Variants in NCOR1 observed in about 807,000 individuals in gnomAD.
NCOR1 encodes protein phosphatase 1, regulatory subunit 109.
In NCOR1, 63 loss-of-function variants were observed where a neutral mutation model predicts 288.1. The ratio of observed to expected loss-of-function variants is 0.22; its 90% CI spans 0.18 to 0.27. The LOEUF is 0.27. Among genes scored for constraint, NCOR1 ranks in the 10% least tolerant of loss-of-function variants. The pLI is 1.00. For missense variants in NCOR1, 2,397 were observed against 3,019.2 expected (o/e 0.79, Z 4.83); for synonymous variants, 1,007 against 1,065.9 (o/e 0.94, Z 1.08).
At chr17:16,152,276 G>A (rs151032588) in intron 7 of NCOR1, among the ~76,000 whole-genome samples, 2 of 152,158 alleles carry the variant, frequency 1.3e-5, no homozygotes, top group African/African-American at 2.4e-5. Flanking sequence ...CTTACATTAC[G>A]TATTTCTCCT....
Position 16,058,068 on chromosome 17 carries a change from G to C in NCOR1, c.6011-4C>G, listed in dbSNP as rs1372479737. 6.2e-7 allele frequency: 1 copy of C among 1,613,426 alleles called. No homozygotes were observed. The highest frequency in any genetic ancestry group is 1.1e-5 in the South Asian group (1 of 91,062). On this transcript the variant is annotated splice_region_variant and splice_polypyrimidine_tract_variant and intron_variant, in intron 38 of 45. Transcript: ENST00000268712. ...TCATATTGTCTGGTAGGATCATCTA[G>C]GAGAGAACACATAGATGTCTTACTC... is the stretch of plus-strand genomic sequence containing the variant.
At chr17:16,040,214 T>G in intron 43 of NCOR1, 1 of 638,352 alleles carries the variant, frequency 1.6e-6, no homozygotes, top group South Asian at 1.5e-5. Flanking sequence ...ACAGTGTTCT[T>G]TAATAGTTTC....
At chr17:16,204,606 C>T (rs1378012463) in intron 1 of NCOR1, among the ~76,000 whole-genome samples, 3 of 152,130 alleles carry the variant, frequency 2.0e-5, no homozygotes, top group Non-Finnish European at 2.9e-5. Flanking sequence ...TAATGTTCCT[C>T]GCTTTGTTTT....
intron 14 of NCOR1, among the ~76,000 whole-genome samples, chr17:16,130,387 GGGTGGCTGGAGCAAAAGA>G (rs1360994218): frequency 5.3e-5 from 8 of 152,154 alleles, no homozygotes; most frequent in Non-Finnish European, 1.2e-4. Flanking sequence ...CAACTCCACA[GGGTGGCTGGAGCAAAAGA>G]GGTCCACCCC....
At chr17:16,085,607 A>G (rs1423391199) in intron 23 of NCOR1, among the ~76,000 whole-genome samples, 1 of 152,232 alleles carries the variant, frequency 6.6e-6, no homozygotes, top group Non-Finnish European at 1.5e-5. Context: ...GACAGACACA[A>G]AAGAGTACAC....
chr17:16,179,695 A>C (rs1331699254), intron 3 of NCOR1, among the ~76,000 whole-genome samples: 1 of 152,224 alleles, frequency 6.6e-6, no homozygotes. Context: ...CTAGAGGCCA[A>C]TCTCTCTAAT....
chr17:16,070,103 G>GT (rs368198526), intron 31 of NCOR1, 62 bp downstream of exon 31: 141,957 of 1,283,856 alleles, frequency 0.11, 2 homozygotes, highest in Non-Finnish European at 0.12. Context: ...CTTGACAAAG[G>GT]TTTTTTTTTT....
At position 16,162,948 on chromosome 17, in the gene NCOR1, T is replaced by C. The variant is rs184623677; in HGVS notation, c.618+2031A>G. Among the ~76,000 whole-genome samples, 244 of 152,192 alleles carry C rather than the reference T, an allele frequency of 1.6e-3. 2 individuals carry two copies. Among genetic ancestry groups the C allele is most frequent in the African/African-American group, 5.3e-3 (219 of 41,542 alleles). Reference sequence around the variant, plus strand: ...GCAAAACTATAAAACTTCTAAAAAATAATATAGTAAAACTACCTTAATAAC... The same window carrying C: ...GCAAAACTATAAAACTTCTAAAAAACAATATAGTAAAACTACCTTAATAAC... On this transcript the variant is annotated intron_variant, in intron 5 of 45. Transcript: ENST00000268712.
chr17:16,126,194 G>T lies in NCOR1; in HGVS notation c.1522C>A (p.Pro508Thr). The T allele has an allele frequency of 6.6e-7, 1 of 1,518,864 alleles. No homozygotes were observed. The highest frequency in any genetic ancestry group is 8.8e-7 in the Non-Finnish European group (1 of 1,138,796). The allele number at this position is 1,518,864 out of a possible 1,614,324, so 94.1% of individuals were successfully genotyped here. A position where few individuals can be genotyped will look rare whatever the true frequency, so the allele number is the denominator to read the frequency against. ...TCTTCTACTTTTTCTTCTTGCGAGG[G>T]TCGAGCAATTTGCTGCTAGAATGAA... is the stretch of plus-strand genomic sequence containing the variant. ...RRGRNQQIARPSQEEKVEEKE... is the reference protein window; with the variant it reads ...RRGRNQQIARTSQEEKVEEKE... Residue 508 changes from proline (P) to threonine (T), a missense_variant, in exon 15 of 46, where the codon CCC becomes ACC. Pro to Thr is a conservative substitution (Grantham distance 38). Transcript: ENST00000268712.
At chr17:16,152,048 TGAAG>T in intron 7 of NCOR1, 50 bp from the exon 8 acceptor site, 1 of 1,245,092 alleles carries the variant, frequency 8.0e-7, no homozygotes, top group Non-Finnish European at 1.1e-6. Flanking sequence ...CATATGTCTA[TGAAG>T]AGACAAAGAA....
At chr17:16,080,140 G>T in intron 25 of NCOR1, 76 bp from the exon 26 acceptor site, 1 of 1,215,204 alleles carries the variant, frequency 8.2e-7, no homozygotes, top group Non-Finnish European at 1.2e-6. Context: ...GCCCCTACTT[G>T]GGAGAGTACT....
At chr17:16,100,097 G>C (rs1473769164) in intron 20 of NCOR1, among the ~76,000 whole-genome samples, 1 of 151,956 alleles carries the variant, frequency 6.6e-6, no homozygotes, top group Non-Finnish European at 1.5e-5. Flanking sequence ...AAAGGAGTGG[G>C]GTTTAATTGG....
Position 16,058,485 on chromosome 17 carries a change from G to T in NCOR1, c.5996C>A (p.Ala1999Glu). 6.2e-7 allele frequency: 1 copy of T among 1,613,138 alleles called. No homozygotes were observed. Among genetic ancestry groups the T allele is most frequent in the Non-Finnish European group, 8.5e-7 (1 of 1,179,804 alleles). ...LQTYQPEVVK[A>E]NQAENDPTRQ... Reference sequence around the variant, plus strand: ...AGAAGACATACTTTCCGCTTGATTTGCCTTAACAACCTCTGGCTGATAGGT... The same window carrying T: ...AGAAGACATACTTTCCGCTTGATTTTCCTTAACAACCTCTGGCTGATAGGT... Residue 1999 changes from alanine to glutamate, a missense_variant, in exon 38 of 46, where the codon GCA becomes GAA. Ala to Glu is a moderately radical substitution (Grantham distance 107). Around this residue, in one of 11 missense-constraint regions of NCOR1, gnomAD observed 1,872 missense variants for 2,187.8 expected, o/e 0.86. Coordinates refer to ENST00000268712, the MANE Select transcript of NCOR1 (RefSeq NM_006311.4).
At chr17:16,051,580 A>G (rs1278041215) in intron 40 of NCOR1, among the ~76,000 whole-genome samples, 3 of 152,176 alleles carry the variant, frequency 2.0e-5, no homozygotes, top group African/African-American at 7.2e-5. Context: ...ATCACAACCA[A>G]GAGCAAACAA....
In NCOR1 at chr17:16,071,474, C is replaced by G. The variant is rs2152735184; in HGVS notation, c.4087G>C (p.Glu1363Gln). Reference sequence around the variant, plus strand: ...ACCACTTCTGGAGTTTTCCGACTTTCCTGAGTTAAAATATCTTGCCTTGGA... The same window carrying G: ...ACCACTTCTGGAGTTTTCCGACTTTGCTGAGTTAAAATATCTTGCCTTGGA... ...EIPRQDILTQ[E>Q]SRKTPEVVQS... is the part of the protein sequence containing the mutation. Residue 1363 changes from glutamate (E) to glutamine (Q), a missense_variant, in exon 30 of 46, where the codon GAA becomes CAA. By Grantham distance (29) the Glu-to-Gln change is conservative. This residue lies in a region of NCOR1 where 1,872 missense variants were observed against 2,187.8 expected (regional missense o/e 0.86). Transcript: ENST00000268712. 1.2e-6 allele frequency: 2 copies of G among 1,614,182 alleles called. No homozygotes were observed. The highest frequency in any genetic ancestry group is 1.7e-6 in the Non-Finnish European group (2 of 1,180,028).
intron 22 of NCOR1, 101 bp downstream of exon 22, chr17:16,091,762 T>C (rs548978662): frequency 3.8e-6 from 6 of 1,577,262 alleles, no homozygotes; most frequent in African/African-American, 2.7e-5. Flanking sequence ...TAATAATCAG[T>C]TGGGAGGCTG....
intron 10 of NCOR1, among the ~76,000 whole-genome samples, chr17:16,145,750 G>T (rs148469426): frequency 6.6e-6 from 1 of 152,092 alleles, no homozygotes; most frequent in Non-Finnish European, 1.5e-5. Context: ...CGCCCCATCC[G>T]GGGGGTGGGG....
Position 16,206,052 on chromosome 17 carries a change from T to A in NCOR1, c.-71+9310A>T, listed in dbSNP as rs202163592. Among the ~76,000 whole-genome samples, 29 of 151,764 alleles carry A rather than the reference T, an allele frequency of 1.9e-4. No homozygotes were observed. The East Asian group carries it at 5.0e-3, about 26-fold the overall frequency. On this transcript the variant is annotated intron_variant, in intron 1 of 45. Coordinates refer to ENST00000268712, the MANE Select transcript of NCOR1 (RefSeq NM_006311.4). Reference sequence around the variant, plus strand: ...GAATCACATTTTTTCAGTTCCTAAATTGTCAAAATGTTTTAAACTGTAATA... The same window carrying A: ...GAATCACATTTTTTCAGTTCCTAAAATGTCAAAATGTTTTAAACTGTAATA...
In NCOR1 at chr17:16,155,296, A is replaced by C. The variant is rs141613538; in HGVS notation, c.733-1901T>G. On this transcript the variant is annotated intron_variant, in intron 6 of 45. Transcript: ENST00000268712. Reference sequence around the variant, plus strand: ...AACCCGGGAGGTGGAGGTTGCAGTGAGCCAAGATCGTGCCACTGCACTCCA... The same window carrying C: ...AACCCGGGAGGTGGAGGTTGCAGTGCGCCAAGATCGTGCCACTGCACTCCA... Among the ~76,000 whole-genome samples the C allele has an allele frequency of 9.9e-3, 1,495 of 150,388 alleles. 26 individuals carry two copies. Among genetic ancestry groups the C allele is most frequent in the African/African-American group, 0.034 (1,410 of 40,950 alleles).
Sources: gnomAD v4.1 joint callset for allele counts (sites outside exome capture counted in the v4.1 genomes callset) on GRCh38, gnomAD v4.1.1 for gene constraint, gnomAD v4.1.1 regional missense constraint, MANE v1.5 for transcripts, NCBI Gene and HGNC (gene_info 2026-07-23, HGNC 2026-07-21) for gene names.